CTNNA3: variants seen among roughly 807,000 people sequenced by gnomAD.
The protein encoded by CTNNA3 is catenin alpha 3.
In CTNNA3, 76 loss-of-function variants were observed where a neutral mutation model predicts 95.7. The observed-to-expected ratio is 0.79, with a 90% confidence interval of 0.66 to 0.96. The LOEUF is 0.96. Among genes scored for constraint, CTNNA3 ranks in the 40% least tolerant of loss-of-function variants. The pLI, the probability that CTNNA3 is intolerant of heterozygous loss-of-function variation, is 0.00. For synonymous variants in CTNNA3, 431 were observed against 374.4 expected (o/e 1.15, Z -1.74); for missense variants, 1,191 against 1,089.8 (o/e 1.09, Z -1.31).
chr10:66,753,482 G>A (rs752147507), intron 9 of CTNNA3, among the ~76,000 whole-genome samples: 25 of 152,004 alleles, frequency 1.6e-4, no homozygotes, highest in Non-Finnish European at 2.9e-4. Flanking sequence ...GGCCAACATG[G>A]TGAAACCCTG....
chr10:67,448,161 G>A (rs1846825744), intron 5 of CTNNA3, among the ~76,000 whole-genome samples: 1 of 152,084 alleles, frequency 6.6e-6, no homozygotes. Flanking sequence ...TGATTCGTAT[G>A]GTCTTACCTC....
intron 13 of CTNNA3, among the ~76,000 whole-genome samples, chr10:66,133,302 G>A (rs1203927510): frequency 2.0e-5 from 3 of 152,072 alleles, no homozygotes; most frequent in Non-Finnish European, 2.9e-5. Context: ...ATTACTTGAG[G>A]TCAGGAGTTC....
At chr10:66,945,997 T>C (rs371757719) in intron 7 of CTNNA3, among the ~76,000 whole-genome samples, 1 of 152,116 alleles carries the variant, frequency 6.6e-6, no homozygotes, top group Admixed American at 6.6e-5. Context: ...ATAATAGATA[T>C]AATAATCATG....
intron 11 of CTNNA3, among the ~76,000 whole-genome samples, chr10:66,406,033 T>A (rs1035624681): frequency 2.0e-5 from 3 of 152,140 alleles, no homozygotes; most frequent in African/African-American, 7.2e-5. Flanking sequence ...CAAAAATGGG[T>A]TTCTCTGAAA....
intron 13 of CTNNA3, among the ~76,000 whole-genome samples, chr10:66,183,289 G>C (rs888479699): frequency 6.6e-6 from 1 of 152,110 alleles, no homozygotes; most frequent in Non-Finnish European, 1.5e-5. Context: ...TTCCCATATT[G>C]TATATATGTA....
At chr10:67,265,217 T>C (rs1391849731) in intron 5 of CTNNA3, among the ~76,000 whole-genome samples, 1 of 152,202 alleles carries the variant, frequency 6.6e-6, no homozygotes, top group East Asian at 1.9e-4. Context: ...TTCATCCTTA[T>C]AGCTTCTATC....
At chr10:66,144,611 C>A (rs1361616491) in intron 13 of CTNNA3, among the ~76,000 whole-genome samples, 1 of 152,058 alleles carries the variant, frequency 6.6e-6, no homozygotes, top group African/African-American at 2.4e-5. Flanking sequence ...CTTCAGCCTC[C>A]TGAGTAGCTG....
At chr10:67,132,185 T>G (rs1020454674) in intron 7 of CTNNA3, among the ~76,000 whole-genome samples, 1 of 152,154 alleles carries the variant, frequency 6.6e-6, no homozygotes, top group Non-Finnish European at 1.5e-5. Context: ...ATGACTCTTA[T>G]GTTTCTAGCT....
chr10:67,000,924 C>A (rs1851647953), intron 7 of CTNNA3, among the ~76,000 whole-genome samples: 1 of 152,052 alleles, frequency 6.6e-6, no homozygotes, highest in South Asian at 2.1e-4. Flanking sequence ...GACTCAGCAG[C>A]TTTCAAACTC....
intron 7 of CTNNA3, among the ~76,000 whole-genome samples, chr10:66,781,945 T>A (rs1359115388): frequency 1.3e-5 from 2 of 152,100 alleles, no homozygotes; most frequent in African/African-American, 4.8e-5. Context: ...TAGAACTGTG[T>A]CCCATCTCAG....
intron 2 of CTNNA3, among the ~76,000 whole-genome samples, chr10:67,640,108 T>C (rs145921737): frequency 0.062 from 9,463 of 152,232 alleles, 317 homozygotes; most frequent in South Asian, 0.1. Context: ...GAAAACCCCA[T>C]TGTCTCAGCC....
At chr10:67,056,623 G>C (rs1157619346) in intron 7 of CTNNA3, among the ~76,000 whole-genome samples, 2 of 151,926 alleles carry the variant, frequency 1.3e-5, no homozygotes, top group African/African-American at 2.4e-5. Context: ...TAACAATAAG[G>C]GCATTCCAAA....
At chr10:66,362,136 C>G (rs1370934457) in intron 12 of CTNNA3, among the ~76,000 whole-genome samples, 1 of 126,348 alleles carries the variant, frequency 7.9e-6, no homozygotes, top group Admixed American at 9.7e-5. Flanking sequence ...CGGAGTCTTG[C>G]TCTGTCACCA....
intron 7 of CTNNA3, among the ~76,000 whole-genome samples, chr10:67,131,089 C>A (rs1447919208): frequency 6.6e-6 from 1 of 152,058 alleles, no homozygotes; most frequent in African/African-American, 2.4e-5. Context: ...ATTTTTCACT[C>A]TTCTTCCCTT....
intron 12 of CTNNA3, among the ~76,000 whole-genome samples, chr10:66,287,972 G>A (rs954826369): frequency 6.6e-6 from 1 of 151,808 alleles, no homozygotes; most frequent in Non-Finnish European, 1.5e-5. Context: ...GAGAGCCAGG[G>A]TTCTCACTAT....
chr10:66,341,426 C>A (rs1246622682), intron 12 of CTNNA3, among the ~76,000 whole-genome samples: 2 of 151,808 alleles, frequency 1.3e-5, no homozygotes, highest in Non-Finnish European at 2.9e-5. Flanking sequence ...ATTATAACAT[C>A]AGCAAAATTA....
intron 5 of CTNNA3, among the ~76,000 whole-genome samples, chr10:67,294,540 T>C (rs1219001858): frequency 6.6e-6 from 1 of 152,122 alleles, no homozygotes; most frequent in Non-Finnish European, 1.5e-5. Context: ...GAATAATGAC[T>C]ACAAAGCTAT....
chr10:66,261,617 G>A (rs954150387), intron 13 of CTNNA3, among the ~76,000 whole-genome samples: 5 of 152,000 alleles, frequency 3.3e-5, no homozygotes, highest in Non-Finnish European at 5.9e-5. Context: ...TAATCAGGCT[G>A]CACTTTGACC....
chr10:66,733,204 G>C (rs920480986), intron 9 of CTNNA3, among the ~76,000 whole-genome samples: 2 of 151,902 alleles, frequency 1.3e-5, no homozygotes, highest in African/African-American at 4.8e-5. Flanking sequence ...TTCTTTCTTT[G>C]CCAAAGCAAA....
Sources: allele counts gnomAD v4.1 joint callset (sites outside exome capture counted in the v4.1 genomes callset), GRCh38; gene constraint gnomAD v4.1.1; transcripts MANE v1.5; gene names NCBI Gene and HGNC (gene_info 2026-07-23, HGNC 2026-07-21).